PDE4D: variants seen among roughly 807,000 people sequenced by gnomAD.
The protein encoded by PDE4D is 3',5'-cyclic-AMP phosphodiesterase 4D.
In PDE4D, 24 loss-of-function variants were observed where a neutral mutation model predicts 87.4. That is an observed-to-expected ratio of 0.27 (90% CI 0.20 to 0.39). The LOEUF (loss-of-function observed/expected upper bound fraction) is 0.39, where lower values mean the gene tolerates loss of function less well. PDE4D is among the 10% of genes least tolerant of loss of function. The probability of loss-of-function intolerance (pLI) is 1.00; values close to 1 mark genes in which losing one functional copy is unlikely to be tolerated. For missense variants in PDE4D, 714 were observed against 1,041.0 expected (o/e 0.69, Z 4.32); for synonymous variants, 384 against 383.2 (o/e 1.00, Z -0.02).
At chr5:59,488,166 CAAAAAAAAAA>C (rs529078753) in intron 1 of PDE4D, among the ~76,000 whole-genome samples, 1 of 107,370 alleles carries the variant, frequency 9.3e-6, no homozygotes, top group South Asian at 3.3e-4. Flanking sequence ...CATCAAGAGC[CAAAAAAAAAA>C]AAAAAAAAAA....
intron 1 of PDE4D, among the ~76,000 whole-genome samples, chr5:59,385,386 T>C (rs1437095367): frequency 1.3e-5 from 2 of 152,236 alleles, no homozygotes; most frequent in African/African-American, 4.8e-5. Context: ...AGTTCATAGT[T>C]TGACTTGCTA....
intron 1 of PDE4D, among the ~76,000 whole-genome samples, chr5:59,409,643 C>T (rs1792316286): frequency 6.6e-6 from 1 of 152,182 alleles, no homozygotes. Flanking sequence ...GAAACAACTA[C>T]AAGTTCCCTG....
At chr5:59,923,279 A>G (rs1291876167) in intron 3 of PDE4D, among the ~76,000 whole-genome samples, 3 of 152,158 alleles carry the variant, frequency 2.0e-5, no homozygotes, top group African/African-American at 7.2e-5. Context: ...GGCAAAGGGG[A>G]ACTTGATGTC....
intron 1 of PDE4D, among the ~76,000 whole-genome samples, chr5:59,511,807 T>C (rs1297557968): frequency 6.6e-6 from 1 of 152,136 alleles, no homozygotes; most frequent in Admixed American, 6.5e-5. Context: ...CCTTAGGAGA[T>C]AGAAGAATAG....
intron 1 of PDE4D, among the ~76,000 whole-genome samples, chr5:59,807,553 A>C (rs188910808): frequency 6.6e-6 from 1 of 152,204 alleles, no homozygotes; most frequent in Non-Finnish European, 1.5e-5. Context: ...AGATGGGAAG[A>C]GAAGAGCAGA....
chr5:60,241,548 A>T (rs905597174), intron 1 of PDE4D, among the ~76,000 whole-genome samples: 1 of 152,118 alleles, frequency 6.6e-6, no homozygotes, highest in Non-Finnish European at 1.5e-5. Flanking sequence ...TGCTGTGCCC[A>T]GCTGGAGTCT....
chr5:60,011,929 A>C (rs879886043), intron 2 of PDE4D, among the ~76,000 whole-genome samples: 3 of 152,196 alleles, frequency 2.0e-5, no homozygotes, highest in Non-Finnish European at 2.9e-5. Context: ...TCTCATAGAC[A>C]TTAAAAATCC....
At chr5:59,551,862 T>C (rs1818178666) in intron 1 of PDE4D, among the ~76,000 whole-genome samples, 1 of 152,198 alleles carries the variant, frequency 6.6e-6, no homozygotes, top group African/African-American at 2.4e-5. Flanking sequence ...TCTAATTTCT[T>C]ATTATTTTCA....
At chr5:60,187,758 T>C (rs556765683) in intron 1 of PDE4D, among the ~76,000 whole-genome samples, 1 of 152,320 alleles carries the variant, frequency 6.6e-6, no homozygotes, top group Admixed American at 6.5e-5. Context: ...TCACCCTGTA[T>C]AGCTAGGAGG....
chr5:60,066,189 T>C (rs1053045425), intron 2 of PDE4D, among the ~76,000 whole-genome samples: 18 of 152,216 alleles, frequency 1.2e-4, no homozygotes, highest in African/African-American at 3.9e-4. Context: ...CGGCCAGTGA[T>C]GATGAGCATT....
At chr5:59,435,428 G>A (rs905659960) in intron 1 of PDE4D, among the ~76,000 whole-genome samples, 79 of 152,096 alleles carry the variant, frequency 5.2e-4, no homozygotes, top group African/African-American at 1.7e-3. Flanking sequence ...TGTTCTTCTG[G>A]CCCACTGGGG....
chr5:60,298,094 T>C (rs1201768129), intron 1 of PDE4D, among the ~76,000 whole-genome samples: 1 of 152,002 alleles, frequency 6.6e-6, no homozygotes, highest in Non-Finnish European at 1.5e-5. Flanking sequence ...GGTTTACATA[T>C]AGTTTGATGA....
chr5:60,347,533 C>T (rs77168069), intron 1 of PDE4D, among the ~76,000 whole-genome samples: 2,456 of 152,098 alleles, frequency 0.016, 67 homozygotes, highest in East Asian at 0.13. Flanking sequence ...GAAAGGACTC[C>T]CTGTTCTCTC....
chr5:59,603,489 A>G (rs889860915), intron 1 of PDE4D, among the ~76,000 whole-genome samples: 2 of 152,018 alleles, frequency 1.3e-5, no homozygotes, highest in African/African-American at 4.8e-5. Context: ...AGAAAGTCAA[A>G]AGATATTAAG....
chr5:59,187,846 A>G (rs1445369476), intron 3 of PDE4D, among the ~76,000 whole-genome samples: 2 of 152,070 alleles, frequency 1.3e-5, no homozygotes, highest in Non-Finnish European at 2.9e-5. Flanking sequence ...TATCTTCTAC[A>G]GTATGACATG....
rs549652977 is a variant in PDE4D at position 60,425,508 on chromosome 5, C to T, written c.-90+62434G>A. ...TAGAAAGCTGAAACTGGATCCCTTC[C>T]TTACACCTTATACAAAAATTAATTC... is the stretch of plus-strand genomic sequence containing the variant. On this transcript the variant is annotated intron_variant, in intron 1 of 16. Transcript: ENST00000502484. Among the ~76,000 whole-genome samples the T allele has an allele frequency of 5.3e-5, 8 of 152,238 alleles. 2 individuals carry two copies. Among genetic ancestry groups the T allele is most frequent in the African/African-American group, 1.9e-4 (8 of 41,536 alleles).
At chr5:59,771,282 C>T (rs76524675) in intron 1 of PDE4D, among the ~76,000 whole-genome samples, 3,009 of 151,180 alleles carry the variant, frequency 0.02, 109 homozygotes, top group African/African-American at 0.07. Flanking sequence ...AGTACCCAGA[C>T]GAGATCTTGG....
chr5:60,314,705 C>T (rs960305171), intron 1 of PDE4D, among the ~76,000 whole-genome samples: 3 of 151,090 alleles, frequency 2.0e-5, no homozygotes, highest in Admixed American at 6.6e-5. Context: ...TCTCATTGTT[C>T]AGTTCCCACC....
intron 5 of PDE4D, among the ~76,000 whole-genome samples, chr5:59,098,529 C>A: frequency 8.0e-6 from 1 of 125,250 alleles, no homozygotes; most frequent in Admixed American, 8.9e-5. Flanking sequence ...GAGACCTCAT[C>A]TCTACAAAAA....
Sources: gnomAD v4.1 joint callset for allele counts (sites outside exome capture counted in the v4.1 genomes callset) on GRCh38, gnomAD v4.1.1 for gene constraint, MANE v1.5 for transcripts, NCBI Gene and HGNC (gene_info 2026-07-23, HGNC 2026-07-21) for gene names.